The following RPS6KA6 variants were observed in gnomAD, a reference collection of about 807,000 sequenced individuals.
RPS6KA6 encodes the protein ribosomal protein S6 kinase A6.
In RPS6KA6, 27 loss-of-function variants were observed where a neutral mutation model predicts 65.4. The ratio of observed to expected loss-of-function variants is 0.41; its 90% CI spans 0.30 to 0.57. The LOEUF is 0.57. Ranked by LOEUF, RPS6KA6 falls within the 20% of genes least tolerant of loss-of-function variation. The probability of loss-of-function intolerance (pLI) is 0.24; values close to 1 mark genes in which losing one functional copy is unlikely to be tolerated. For missense variants in RPS6KA6, 486 were observed against 555.6 expected, an observed-to-expected ratio of 0.87 and a Z score of 1.26; for synonymous variants, 190 against 184.2, an observed-to-expected ratio of 1.03 and a Z score of -0.26.
At chrX:84,164,136 A>G (rs1158488488) in intron 2 of RPS6KA6, among the ~76,000 whole-genome samples, 192 bp downstream of exon 2, 1 of 112,327 alleles carries the variant, frequency 8.9e-6, no homozygotes, top group African/African-American at 3.2e-5. Context: ...ATTTTTAAAA[A>G]TGCATGCATA....
chrX:84,151,031 GAGAGGATATATATAT>G (rs1424678363), intron 3 of RPS6KA6, among the ~76,000 whole-genome samples: 11 of 34,440 alleles, frequency 3.2e-4, no homozygotes, highest in Admixed American at 5.5e-4. Context: ...AGGATATATA[GAGAGGATATATATAT>G]AGAGGATAGA....
intron 20 of RPS6KA6, among the ~76,000 whole-genome samples, chrX:84,092,616 G>A (rs1284829707): frequency 1.9e-5 from 2 of 105,865 alleles, no homozygotes; most frequent in Admixed American, 1.0e-4. Context: ...GTGAGACTCC[G>A]TATCAAAAAA....
At chrX:84,156,939 C>G (rs1365265198) in intron 2 of RPS6KA6, among the ~76,000 whole-genome samples, 1 of 111,983 alleles carries the variant, frequency 8.9e-6, no homozygotes, top group Non-Finnish European at 1.9e-5. Context: ...GAAGGGATAT[C>G]TTATCCAACT....
intron 20 of RPS6KA6, among the ~76,000 whole-genome samples, chrX:84,078,696 TA>T (rs2033716085): frequency 8.9e-6 from 1 of 112,262 alleles, no homozygotes; most frequent in Admixed American, 9.5e-5. Flanking sequence ...ACTTATGATT[TA>T]ATTTATAAAC....
intron 4 of RPS6KA6, 56 bp downstream of exon 4, chrX:84,147,986 A>AT: frequency 1.3e-6 from 1 of 747,145 alleles, no homozygotes; most frequent in East Asian, 3.3e-5. Context: ...TACACAGCAT[A>AT]TTTCTTAAAC....
intron 8 of RPS6KA6, among the ~76,000 whole-genome samples, chrX:84,131,770 T>C (rs1279921358): frequency 8.9e-6 from 1 of 112,023 alleles, no homozygotes; most frequent in African/African-American, 3.2e-5. Flanking sequence ...TTTTTCCAAA[T>C]CACTAATTTG....
chrX:84,072,584 C>A (rs945110854), intron 20 of RPS6KA6, among the ~76,000 whole-genome samples: 3 of 111,310 alleles, frequency 2.7e-5, no homozygotes, highest in Non-Finnish European at 5.7e-5. Context: ...AAGGGGCATG[C>A]AAATTGGAAA....
At chrX:84,128,825 C>T (rs1219613266) in intron 8 of RPS6KA6, among the ~76,000 whole-genome samples, 2 of 111,807 alleles carry the variant, frequency 1.8e-5, no homozygotes, top group African/African-American at 6.5e-5. Context: ...CTAGCTCTTG[C>T]TATATACAAA....
chrX:84,175,997 G>A (rs1487388708), intron 1 of RPS6KA6, among the ~76,000 whole-genome samples: 2 of 111,745 alleles, frequency 1.8e-5, no homozygotes, highest in Admixed American at 1.9e-4. Context: ...AGGACTAGTA[G>A]TTGTACTACT....
rs189396705 is a variant in RPS6KA6 at position 84,058,968 on chromosome X, T to C, written c.*5309A>G. The C allele has an allele frequency of 9.2e-6, 1 of 109,215 alleles. No homozygotes were observed. The highest frequency in any genetic ancestry group is 1.9e-5 in the Non-Finnish European group (1 of 52,567). The allele number at this position is 109,215 out of a possible 1,213,427, so 9.0% of individuals were successfully genotyped here. On this transcript the variant is annotated 3_prime_UTR_variant, in exon 22 of 22. Coordinates refer to ENST00000262752, the MANE Select transcript of RPS6KA6 (RefSeq NM_014496.5). ...AACTACCAACAGTACTTCCTGTTTT[T>C]TTTTTTTTTTATCAAACAGAAAAAC...
At chrX:84,165,818 G>T (rs761552270) in intron 1 of RPS6KA6, among the ~76,000 whole-genome samples, 1 of 111,002 alleles carries the variant, frequency 9.0e-6, no homozygotes, top group Non-Finnish European at 1.9e-5. Context: ...CATCCAAAAG[G>T]CAGCTCCAAT....
intron 1 of RPS6KA6, among the ~76,000 whole-genome samples, chrX:84,171,129 C>G (rs1028746150): frequency 8.1e-5 from 9 of 110,887 alleles, no homozygotes; most frequent in Admixed American, 2.9e-4. Context: ...GATTATTCAC[C>G]CAGTCAAGCC....
rs752121869 is a variant in RPS6KA6, at chrX:84,173,025, G to T, written c.82-8638C>A. Among the ~76,000 whole-genome samples, 11 of 110,843 alleles carry T rather than the reference G, an allele frequency of 9.9e-5. No homozygotes were observed. The East Asian group carries it at 1.4e-3, about 14-fold the overall frequency. The stretch of plus-strand genomic sequence containing the variant: ...GTTCTAGTTTTGCAAGGTAAAAACA[G>T]TCCTGTAGATTGGCTGCACAATAAT... On this transcript the variant is annotated intron_variant, in intron 1 of 21. Transcript: ENST00000262752.
chrX:84,142,240 T>C (rs1254864322), intron 6 of RPS6KA6, among the ~76,000 whole-genome samples: 2 of 111,390 alleles, frequency 1.8e-5, no homozygotes, highest in Non-Finnish European at 3.8e-5. Context: ...GCCCAAATAT[T>C]TGTAAATTAA....
intron 1 of RPS6KA6, among the ~76,000 whole-genome samples, chrX:84,175,298 T>C (rs990885730): frequency 9.0e-6 from 1 of 111,519 alleles, no homozygotes; most frequent in Non-Finnish European, 1.9e-5. Context: ...TATAAAATGA[T>C]GTGGCATTTG....
In RPS6KA6 at chrX:84,062,952, T is replaced by TAGC. The variant is rs201080239; in HGVS notation, c.*1322_*1324dup. 7 of 110,231 alleles carry TAGC rather than the reference T, an allele frequency of 6.4e-5. No individual in the cohort carries two copies. The highest frequency in any genetic ancestry group is 3.8e-4 in the South Asian group (1 of 2,635). The allele number at this position is 110,231 out of a possible 1,213,427, so 9.1% of individuals were successfully genotyped here. On this transcript the variant is annotated 3_prime_UTR_variant, in exon 22 of 22. Coordinates refer to ENST00000262752, the MANE Select transcript of RPS6KA6 (RefSeq NM_014496.5). ...GTAGTAGTAGTAGTAGTAGTAGTAG[T>TAGC]AGCAGTAGTAGCTGCTGCTGTTGTT...
intron 20 of RPS6KA6, among the ~76,000 whole-genome samples, chrX:84,095,480 C>T (rs1484183303): frequency 9.0e-6 from 1 of 111,545 alleles, no homozygotes. Flanking sequence ...AATATGGCAG[C>T]CACTGGCCAC....
intron 1 of RPS6KA6, among the ~76,000 whole-genome samples, chrX:84,176,888 A>T (rs1353860298): frequency 8.9e-6 from 1 of 112,317 alleles, no homozygotes; most frequent in African/African-American, 3.2e-5. Flanking sequence ...ACACAACCTT[A>T]GCTTGAGGTC....
rs1011796241 is a variant in RPS6KA6 at position 84,109,599 on chromosome X, G to T, written c.1009-1874C>A. Among the ~76,000 whole-genome samples the T allele has an allele frequency of 4.5e-5, 5 of 110,791 alleles. No individual in the cohort carries two copies. The Admixed American group carries it at 4.8e-4, about 11-fold the overall frequency. ...ATGCATTGATGCACCAACTGCCTGA[G>T]CATTCTGCAACTGCCTAAGTGTTTT... On this transcript the variant is annotated intron_variant, in intron 12 of 21. Transcript: ENST00000262752.
Sources: gnomAD v4.1 joint callset for allele counts (sites outside exome capture counted in the v4.1 genomes callset) on GRCh38, gnomAD v4.1.1 for gene constraint, MANE v1.5 for transcripts, NCBI Gene and HGNC (gene_info 2026-07-23, HGNC 2026-07-21) for gene names.